Variants in BLTP1 observed in about 807,000 individuals in gnomAD.
BLTP1 encodes fragile site-associated protein.
the BLTP1 span, chr4:122,237,979 C>A: frequency 4.2e-5 from 31 of 732,940 alleles, no homozygotes; most frequent in Non-Finnish European, 3.4e-5. Flanking sequence ...GAGACTCCAT[C>A]TCAAAAAAAA....
chr4:122,307,891 A>G, the BLTP1 span: 17 of 1,565,878 alleles, frequency 1.1e-5, no homozygotes, highest in Admixed American at 7.9e-5. Flanking sequence ...TTTACTTAAC[A>G]TATAGATTTA....
At chr4:122,294,499 C>A in the BLTP1 span, among the ~76,000 whole-genome samples, 1 of 152,152 alleles carries the variant, frequency 6.6e-6, no homozygotes, top group African/African-American at 2.4e-5. Context: ...CTGGAGGGGA[C>A]CCCCAGCAAA....
chr4:122,244,689 A>C, the BLTP1 span: 3 of 932,912 alleles, frequency 3.2e-6, no homozygotes, highest in African/African-American at 5.3e-5. Flanking sequence ...GCAAAAGCAC[A>C]TAATTTTCTT....
the BLTP1 span, among the ~76,000 whole-genome samples, chr4:122,296,125 G>C: frequency 2.0e-5 from 3 of 152,160 alleles, no homozygotes; most frequent in Non-Finnish European, 4.4e-5. Flanking sequence ...CAAATAGGAA[G>C]AGAAGTCAAA....
At chr4:122,200,182 A>T in the BLTP1 span, 11 of 916,256 alleles carry the variant, frequency 1.2e-5, no homozygotes, top group Non-Finnish European at 1.4e-5. Context: ...AATATACCTT[A>T]AAGTGGCATA....
At chr4:122,349,433 TA>T in the BLTP1 span, 28 of 1,565,312 alleles carry the variant, frequency 1.8e-5, no homozygotes, top group Non-Finnish European at 2.3e-5. This position sits in a 1 kb window ranked among gnomAD's most constrained non-coding sequence, Gnocchi z 4.5. Context: ...CAAAATTAAT[TA>T]TTGTTTCTAT....
chr4:122,263,937 A>G, the BLTP1 span: 2 of 241,716 alleles, frequency 8.3e-6, no homozygotes, highest in Non-Finnish European at 1.3e-5. Context: ...TAATTTATCT[A>G]GATCCCTCTG....
chr4:122,340,856 T>G, the BLTP1 span: 1 of 923,502 alleles, frequency 1.1e-6, no homozygotes, highest in Non-Finnish European at 1.3e-6. Context: ...AAAGGTGAAA[T>G]GAAAATGAGA....
the BLTP1 span, chr4:122,264,539 T>C: frequency 1.1e-6 from 1 of 914,684 alleles, no homozygotes; most frequent in Non-Finnish European, 1.5e-6. Context: ...ATACCTTACC[T>C]ATCTGCCTAC....
the BLTP1 span, chr4:122,272,461 C>G: frequency 3.6e-6 from 5 of 1,401,506 alleles, no homozygotes; most frequent in African/African-American, 5.8e-5. Flanking sequence ...AGTGCTACTT[C>G]TCTGAAGAAA....
chr4:122,210,992 C>T, the BLTP1 span: 3 of 1,613,720 alleles, frequency 1.9e-6, no homozygotes, highest in Admixed American at 1.7e-5. Context: ...CCTATTGATC[C>T]CTCAGAACTT....
At chr4:122,266,954 A>G in the BLTP1 span, 1 of 1,550,426 alleles carries the variant, frequency 6.4e-7, no homozygotes. Context: ...CAAAAGAGCA[A>G]GAAGGTGTCT....
chr4:122,155,040 C>G, the BLTP1 span: 1 of 565,716 alleles, frequency 1.8e-6, no homozygotes, highest in African/African-American at 2.0e-5. Flanking sequence ...TCATAACTAG[C>G]TATTGAGTAT....
At chr4:122,214,769 G>T in the BLTP1 span, among the ~76,000 whole-genome samples, 4 of 151,554 alleles carry the variant, frequency 2.6e-5, no homozygotes, top group African/African-American at 9.7e-5. Flanking sequence ...GCGCCACCAT[G>T]CCTGGATAAT....
the BLTP1 span, chr4:122,235,536 T>G: frequency 2.1e-6 from 2 of 946,800 alleles, no homozygotes; most frequent in Non-Finnish European, 2.5e-6. Context: ...CCGGGCGTGG[T>G]GGCTCACACC....
At chr4:122,265,221 CTTA>C in the BLTP1 span, among the ~76,000 whole-genome samples, 1 of 152,126 alleles carries the variant, frequency 6.6e-6, no homozygotes, top group East Asian at 1.9e-4. Context: ...GCCCAAGTCC[CTTA>C]TATAGAATGG....
At chr4:122,186,314 C>G in the BLTP1 span, 3 of 843,786 alleles carry the variant, frequency 3.6e-6, no homozygotes, top group Non-Finnish European at 4.9e-6. Context: ...TAAACAGAGC[C>G]TAATATTTCT....
At chr4:122,152,377 C>A in the BLTP1 span, 1 of 985,848 alleles carries the variant, frequency 1.0e-6, no homozygotes, top group African/African-American at 1.7e-5. Context: ...CCTCCTCCGC[C>A]CCCTTGGGTG....
chr4:122,243,684 T>A, the BLTP1 span: 1 of 534,130 alleles, frequency 1.9e-6, no homozygotes, highest in African/African-American at 2.1e-5. Flanking sequence ...ACCACTGCAC[T>A]CCAGCCTAGG....
Sources: allele counts gnomAD v4.1 joint callset (sites outside exome capture counted in the v4.1 genomes callset), GRCh38; gene constraint gnomAD v4.1.1; non-coding constraint Gnocchi (gnomAD v3.1); transcripts MANE v1.5; gene names NCBI Gene and HGNC (gene_info 2026-07-23, HGNC 2026-07-21).